Variants in AGBL4 observed in about 807,000 individuals in gnomAD.
The protein encoded by AGBL4 is AGBL carboxypeptidase 4, also known as cytosolic carboxypeptidase 6.
A neutral mutation model predicts 66.4 loss-of-function variants in AGBL4; 58 were observed. The ratio of observed to expected loss-of-function variants is 0.87; its 90% CI spans 0.71 to 1.09. The LOEUF is 1.09. Among genes scored for constraint, AGBL4 ranks in the 50% least tolerant of loss-of-function variants. The pLI, the probability that AGBL4 is intolerant of heterozygous loss-of-function variation, is 0.00. For synonymous variants in AGBL4, 234 were observed against 222.9 expected (o/e 1.05, Z -0.44); for missense variants, 579 against 631.0 (o/e 0.92, Z 0.88).
intron 1 of AGBL4, among the ~76,000 whole-genome samples, chr1:49,896,367 C>T (rs1649197896): frequency 6.6e-6 from 1 of 151,906 alleles, no homozygotes; most frequent in Non-Finnish European, 1.5e-5. Context: ...TTAATCTGCA[C>T]TGTAAACAAC....
intron 3 of AGBL4, among the ~76,000 whole-genome samples, chr1:49,268,869 T>C (rs1643990667): frequency 6.6e-6 from 1 of 152,216 alleles, no homozygotes; most frequent in Non-Finnish European, 1.5e-5. Context: ...TTCAGAACTA[T>C]TCTGCTTACT....
chr1:49,653,775 A>T (rs1306261079), intron 3 of AGBL4, among the ~76,000 whole-genome samples: 1 of 151,816 alleles, frequency 6.6e-6, no homozygotes, highest in East Asian at 2.0e-4. Context: ...GATTAGAGAA[A>T]AAAGAATGAA....
chr1:49,169,576 C>A (rs1646695169), intron 4 of AGBL4, among the ~76,000 whole-genome samples: 1 of 152,148 alleles, frequency 6.6e-6, no homozygotes. Flanking sequence ...TTGCAACCAC[C>A]ACCTCTATCG....
In AGBL4 at chr1:49,620,061, G is replaced by A. The variant is rs560421611; in HGVS notation, c.282+77252C>T. Among the ~76,000 whole-genome samples, 125 of 152,214 alleles carry A rather than the reference G, an allele frequency of 8.2e-4. 1 individual carries two copies. The highest frequency in any genetic ancestry group is 1.4e-3 in the Non-Finnish European group (95 of 68,020). On this transcript the variant is annotated intron_variant, in intron 3 of 13. Coordinates refer to ENST00000371839, the MANE Select transcript of AGBL4 (RefSeq NM_032785.4). ...AATACCATTCAGGACATAAGCATGG[G>A]CAAAGACTTCATTACTAAAACACCA...
intron 2 of AGBL4, among the ~76,000 whole-genome samples, chr1:49,748,424 G>T (rs927743765): frequency 1.3e-4 from 20 of 152,090 alleles, no homozygotes; most frequent in Non-Finnish European, 2.2e-4. Flanking sequence ...TGGGCATTTT[G>T]GTTGGTTCCA....
intron 3 of AGBL4, among the ~76,000 whole-genome samples, chr1:49,496,936 G>C (rs1399664252): frequency 6.6e-6 from 1 of 151,564 alleles, no homozygotes; most frequent in Non-Finnish European, 1.5e-5. Context: ...AATTTTTTGA[G>C]AAACATTCTT....
At chr1:49,035,140 G>C (rs1664535538) in intron 5 of AGBL4, among the ~76,000 whole-genome samples, 1 of 152,130 alleles carries the variant, frequency 6.6e-6, no homozygotes, top group African/African-American at 2.4e-5. Context: ...CTGTGTTTTA[G>C]TTACTAGTAA....
chr1:49,263,555 G>C (rs1043541237), intron 3 of AGBL4, among the ~76,000 whole-genome samples: 6 of 152,038 alleles, frequency 3.9e-5, no homozygotes, highest in African/African-American at 1.4e-4. Context: ...TCCACTAGCA[G>C]TTGAGGAAAT....
intron 3 of AGBL4, among the ~76,000 whole-genome samples, chr1:49,520,726 C>A (rs1461023965): frequency 6.6e-6 from 1 of 152,034 alleles, no homozygotes; most frequent in African/African-American, 2.4e-5. Flanking sequence ...CACTCCTCTC[C>A]CTTTCTGCCA....
intron 1 of AGBL4, among the ~76,000 whole-genome samples, chr1:49,865,543 A>C (rs1321017203): frequency 6.6e-6 from 1 of 152,186 alleles, no homozygotes; most frequent in East Asian, 1.9e-4. Flanking sequence ...CAAAACAAAC[A>C]AACAGAAAAT....
intron 5 of AGBL4, among the ~76,000 whole-genome samples, chr1:48,877,437 G>A (rs1476579357): frequency 1.3e-5 from 2 of 152,058 alleles, no homozygotes; most frequent in East Asian, 3.9e-4. Context: ...GAATGGGTCT[G>A]TTATGCTTGA....
intron 5 of AGBL4, among the ~76,000 whole-genome samples, chr1:48,983,943 A>G (rs2148968458): frequency 6.6e-6 from 1 of 152,318 alleles, no homozygotes; most frequent in East Asian, 1.9e-4. Context: ...ATCTAGGGCT[A>G]GTTATAAAAA....
chr1:48,850,951 C>T (rs1285216135), intron 6 of AGBL4, among the ~76,000 whole-genome samples: 1 of 152,174 alleles, frequency 6.6e-6, no homozygotes, highest in African/African-American at 2.4e-5. Flanking sequence ...CTTTTTATTT[C>T]TCTGAGCTTC....
Position 49,064,866 on chromosome 1 carries a change from AAACT to A in AGBL4, c.378-19070_378-19067del, listed in dbSNP as rs1435252681. On this transcript the variant is annotated intron_variant, in intron 4 of 13. Transcript: ENST00000371839. ...ATTAAACGCATAGCAAAACAAGATT[AAACT>A]AACTGATTCTAAAATGATCTTACTA... Among the ~76,000 whole-genome samples the A allele has an allele frequency of 2.0e-5, 3 of 152,250 alleles. No homozygotes were observed. The South Asian group carries it at 6.2e-4, about 31-fold the overall frequency.
At chr1:49,590,144 C>A (rs1001955457) in intron 3 of AGBL4, among the ~76,000 whole-genome samples, 1 of 151,888 alleles carries the variant, frequency 6.6e-6, no homozygotes, top group Non-Finnish European at 1.5e-5. Context: ...CATAAGGAGA[C>A]AAAATGAGAC....
chr1:49,695,352 T>C (rs1410370728), intron 3 of AGBL4, among the ~76,000 whole-genome samples: 4 of 152,112 alleles, frequency 2.6e-5, no homozygotes, highest in East Asian at 1.9e-4. Flanking sequence ...GAAAATCTCA[T>C]AGGGGTCCCA....
At chr1:49,299,129 T>G (rs1220964573) in intron 3 of AGBL4, among the ~76,000 whole-genome samples, 1 of 152,192 alleles carries the variant, frequency 6.6e-6, no homozygotes, top group Non-Finnish European at 1.5e-5. Context: ...TGTATCAATA[T>G]TCCCATATCA....
chr1:48,728,588 C>T (rs539519601), intron 6 of AGBL4, among the ~76,000 whole-genome samples: 2 of 150,998 alleles, frequency 1.3e-5, no homozygotes, highest in Admixed American at 6.6e-5. Context: ...TATTGTATGG[C>T]TCTATCACAA....
intron 2 of AGBL4, among the ~76,000 whole-genome samples, chr1:49,706,367 T>C (rs1647220859): frequency 6.6e-6 from 1 of 152,186 alleles, no homozygotes; most frequent in African/African-American, 2.4e-5. Context: ...TGATGGTAGT[T>C]TGTATTTCTG....
Sources: gnomAD v4.1 joint callset for allele counts (sites outside exome capture counted in the v4.1 genomes callset) on GRCh38, gnomAD v4.1.1 for gene constraint, MANE v1.5 for transcripts, NCBI Gene and HGNC (gene_info 2026-07-23, HGNC 2026-07-21) for gene names.